LRRC4B: variants seen among roughly 807,000 people sequenced by gnomAD.
The protein encoded by LRRC4B is leucine rich repeat containing 4B.
A neutral mutation model predicts 7.3 loss-of-function variants in LRRC4B; 1 was observed. The observed-to-expected ratio is 0.14, with a 90% CI of 0.05 to 0.65. LRRC4B has a LOEUF of 0.65. LRRC4B is among the 30% of genes least tolerant of loss of function. The pLI is 0.84. For synonymous variants in LRRC4B, 500 were observed against 499.2 expected, an observed-to-expected ratio of 1.00 and a Z score of -0.02; for missense variants, 730 against 1,041.6, an observed-to-expected ratio of 0.70 and a Z score of 4.12.
chr19:50,543,852 CAAA>C (rs36044151), intron 2 of LRRC4B, among the ~76,000 whole-genome samples: 2 of 83,374 alleles, frequency 2.4e-5, no homozygotes, highest in African/African-American at 5.0e-5. Flanking sequence ...GCCTCCATCT[CAAA>C]AAAAAAAAAA....
intron 1 of LRRC4B, among the ~76,000 whole-genome samples, chr19:50,560,815 G>A (rs1982436871): frequency 6.6e-6 from 1 of 152,232 alleles, no homozygotes; most frequent in Admixed American, 6.5e-5. Context: ...TCGGCCGGGT[G>A]CAGTGGCTCA....
At chr19:50,535,035 ATTGT>A (rs1208577575) in intron 2 of LRRC4B, among the ~76,000 whole-genome samples, 5 of 151,386 alleles carry the variant, frequency 3.3e-5, no homozygotes, top group South Asian at 2.1e-4. Flanking sequence ...CACCCAGCTA[ATTGT>A]TTGTATTTTT....
chr19:50,538,759 G>C (rs1981409208), intron 2 of LRRC4B, among the ~76,000 whole-genome samples: 1 of 151,694 alleles, frequency 6.6e-6, no homozygotes, highest in Non-Finnish European at 1.5e-5. Context: ...AGTAGAGATG[G>C]GGTCTTGCTA....
At position 50,565,119 on chromosome 19, in the gene LRRC4B, T is replaced by C. The variant is rs553556828; in HGVS notation, c.-36+2825A>G. Among the ~76,000 whole-genome samples the C allele has an allele frequency of 2.1e-4, 32 of 152,292 alleles. No homozygotes were observed. The East Asian group carries it at 6.0e-3, about 29-fold the overall frequency. On this transcript the variant is annotated intron_variant, in intron 1 of 2. Coordinates refer to ENST00000652263, the MANE Select transcript of LRRC4B (RefSeq NM_001080457.2). ...TCTGAGTGGGATTAAGGGTGACTGC[T>C]GGATGGGGCTGGCCCTCCCTGCAGT...
intron 2 of LRRC4B, among the ~76,000 whole-genome samples, chr19:50,540,512 A>G (rs1171365883): frequency 4.6e-5 from 7 of 151,950 alleles, no homozygotes; most frequent in Admixed American, 3.3e-4. Context: ...ACCTGCCACC[A>G]TGCCTGGGTT....
In LRRC4B at chr19:50,517,532, G is replaced by C. The variant is rs754171641; in HGVS notation, c.*39C>G. On this transcript the variant is annotated 3_prime_UTR_variant, in exon 3 of 3. Coordinates refer to ENST00000652263, the MANE Select transcript of LRRC4B (RefSeq NM_001080457.2). The surrounding 1 kb of genome is among the most constrained non-coding windows in gnomAD (Gnocchi z 6.6). ...GCTGCGCCCGGGCTGGGACCTGGGT[G>C]GGGGGCTCCACGCCCCTCGCCCGCC... 8 of 1,394,136 alleles carry C rather than the reference G, an allele frequency of 5.7e-6. No homozygotes were observed. In the Admixed American group the frequency reaches 2.4e-4, roughly 42 times the overall value. 86.4% of individuals were successfully genotyped at this position (1,394,136 alleles called of 1,614,324 possible).
chr19:50,550,388 C>T (rs1982002483), intron 1 of LRRC4B, among the ~76,000 whole-genome samples: 1 of 152,028 alleles, frequency 6.6e-6, no homozygotes, highest in Non-Finnish European at 1.5e-5. Context: ...GGGCAGGTCA[C>T]ACAAACACGC....
Position 50,548,640 on chromosome 19 carries a change from C to T in LRRC4B, c.199G>A (p.Ala67Thr). ...CTCCGTGTGCAGATCACCCGGCTGG[C>T]CTGGTTGCTGCAGGAGCAGGCCACG... ...CPVACSCSNQ[A>T]SRVICTRRDL... The change falls in exon 2 of 3, where the codon GCC becomes ACC. Residue 67 changes from alanine (A) to threonine (T), a missense_variant. Coordinates refer to ENST00000652263, the MANE Select transcript of LRRC4B (RefSeq NM_001080457.2). This position sits in a 1 kb window ranked among gnomAD's most constrained non-coding sequence, Gnocchi z 6.8. 1.3e-6 allele frequency: 2 copies of T among 1,582,436 alleles called. No individual in the cohort carries two copies. Among genetic ancestry groups the T allele is most frequent in the Non-Finnish European group, 8.6e-7 (1 of 1,166,938 alleles).
At chr19:50,558,484 C>A (rs1174629599) in intron 1 of LRRC4B, among the ~76,000 whole-genome samples, 1 of 152,208 alleles carries the variant, frequency 6.6e-6, no homozygotes, top group Non-Finnish European at 1.5e-5. Context: ...CCTGCCTCAG[C>A]CTCCCAAAGT....
chr19:50,544,641 G>A (rs1981720018), intron 2 of LRRC4B, among the ~76,000 whole-genome samples: 1 of 152,206 alleles, frequency 6.6e-6, no homozygotes, highest in Non-Finnish European at 1.5e-5. Flanking sequence ...AGACACCAAA[G>A]CGAAGGAGAG....
chr19:50,542,991 C>T (rs1186883414), intron 2 of LRRC4B, among the ~76,000 whole-genome samples: 2 of 152,162 alleles, frequency 1.3e-5, no homozygotes, highest in Admixed American at 6.5e-5. Flanking sequence ...CAGGGGCAGG[C>T]GAGAACAGGA....
rs140900514 is a variant in LRRC4B at position 50,548,477 on chromosome 19, G to A, written c.297+65C>T. On this transcript the variant is annotated intron_variant, in intron 2 of 2. Transcript: ENST00000652263. This position sits in a 1 kb window ranked among gnomAD's most constrained non-coding sequence, Gnocchi z 6.8. The stretch of plus-strand genomic sequence containing the variant: ...GTGTGGGGAGGCCCAGAAGGGATGG[G>A]CTACATCTGCATGCCTCCCCAGTGT... The A allele has an allele frequency of 6.5e-7, 1 of 1,536,008 alleles. No homozygotes were observed. Among genetic ancestry groups the A allele is most frequent in the Non-Finnish European group, 8.7e-7 (1 of 1,146,264 alleles).
intron 1 of LRRC4B, among the ~76,000 whole-genome samples, chr19:50,559,585 G>A (rs1403604407): frequency 6.6e-6 from 1 of 152,238 alleles, no homozygotes. Context: ...AGTATTTGTT[G>A]CCAAGGCTCA....
Position 50,527,706 on chromosome 19 carries a change from TTCCC to T in LRRC4B, c.298-8295_298-8292del, listed in dbSNP as rs544155236. Among the ~76,000 whole-genome samples, 359 of 149,692 alleles carry T rather than the reference TTCCC, an allele frequency of 2.4e-3. 2 individuals carry two copies. Among genetic ancestry groups the T allele is most frequent in the African/African-American group, 6.9e-3 (273 of 39,774 alleles). On this transcript the variant is annotated intron_variant, in intron 2 of 2. Transcript: ENST00000652263. ...TTCTTTCTCCTTTCTCTCTGTCTCT[TTCCC>T]TCCCTCCCTCCCTCCCTCTTTCTCT...
In LRRC4B at chr19:50,568,263, GCTTCCTTCCTTCCAGCCTTCCTTC is replaced by G; in HGVS notation, c.-379_-356del. On this transcript the variant is annotated 5_prime_UTR_variant, in exon 1 of 3. Transcript: ENST00000652263. ...CCTTTCTTTCCTTCTTTCTTTCCTGGCTTCCTTCCTTCCAGCCTTCCTTCCTTCCTTCCTCCCTCCTCGGGCCCG... is the reference window on the plus strand; with the variant it reads ...CCTTTCTTTCCTTCTTTCTTTCCTGGCTTCCTTCCTCCCTCCTCGGGCCCG... Among the ~76,000 whole-genome samples the G allele has an allele frequency of 1.3e-5, 2 of 151,370 alleles. No individual in the cohort carries two copies. Among genetic ancestry groups the G allele is most frequent in the Admixed American group, 6.6e-5 (1 of 15,208 alleles).
At chr19:50,523,103 C>T (rs1233190170) in intron 2 of LRRC4B, among the ~76,000 whole-genome samples, 5 of 152,156 alleles carry the variant, frequency 3.3e-5, no homozygotes, top group Non-Finnish European at 7.4e-5. Flanking sequence ...AGCTGGGGTC[C>T]ACGGGAGGGG....
rs377369828 is a variant in LRRC4B at position 50,527,452 on chromosome 19, G to GCTGGGATTA, written c.298-8046_298-8038dup. On this transcript the variant is annotated intron_variant, in intron 2 of 2. Coordinates refer to ENST00000652263, the MANE Select transcript of LRRC4B (RefSeq NM_001080457.2). ...TCCACCCGCCTCAGTGTCCCAAAGTGCTGGGATTACAGGCATGAGCCATTC... is the reference window on the plus strand; with the variant it reads ...TCCACCCGCCTCAGTGTCCCAAAGTGCTGGGATTACTGGGATTACAGGCATGAGCCATTC... 2.7e-3 allele frequency among the ~76,000 whole-genome samples: 408 copies of GCTGGGATTA among 150,882 alleles called. 3 individuals carry two copies. The highest frequency in any genetic ancestry group is 9.6e-3 in the African/African-American group (394 of 41,038).
In LRRC4B at chr19:50,521,123, C is replaced by A. The variant is rs138109333; in HGVS notation, c.298-1708G>T. Reference sequence around the variant, plus strand: ...TCTCTCAGCTCAGCCATGAAAGGGACCTGGCTACTGATGACCCTCTGGATG... The same window carrying A: ...TCTCTCAGCTCAGCCATGAAAGGGAACTGGCTACTGATGACCCTCTGGATG... On this transcript the variant is annotated intron_variant, in intron 2 of 2. Coordinates refer to ENST00000652263, the MANE Select transcript of LRRC4B (RefSeq NM_001080457.2). Among the ~76,000 whole-genome samples the A allele has an allele frequency of 2.1e-3, 315 of 152,230 alleles. 2 individuals carry two copies. The highest frequency in any genetic ancestry group is 7.1e-3 in the African/African-American group (297 of 41,558).
chr19:50,551,786 G>C (rs1435594218), intron 1 of LRRC4B, among the ~76,000 whole-genome samples: 3 of 151,324 alleles, frequency 2.0e-5, no homozygotes, highest in African/African-American at 7.3e-5. Context: ...GGCTCTGTCT[G>C]TCTCTCTCTT....
Sources: gnomAD v4.1 joint callset for allele counts (sites outside exome capture counted in the v4.1 genomes callset) on GRCh38, gnomAD v4.1.1 for gene constraint, Gnocchi (gnomAD v3.1) non-coding constraint, MANE v1.5 for transcripts, NCBI Gene and HGNC (gene_info 2026-07-23, HGNC 2026-07-21) for gene names.